The following GLMN variants were observed in gnomAD, a reference collection of about 807,000 sequenced individuals.
GLMN encodes glomulin, FKBP associated protein.
GLMN carries 75 observed loss-of-function variants against 87.8 expected under a neutral mutation model. That is an observed-to-expected ratio of 0.85 (90% CI 0.71 to 1.04). The LOEUF is 1.04. GLMN is among the 50% of genes least tolerant of loss of function. The pLI is 0.00. For synonymous variants in GLMN, 206 were observed against 221.6 expected (o/e 0.93, Z 0.63); for missense variants, 588 against 658.8 (o/e 0.89, Z 1.18).
At chr1:92,282,846 C>T (rs1245030542) in intron 7 of GLMN, among the ~76,000 whole-genome samples, 1 of 152,190 alleles carries the variant, frequency 6.6e-6, no homozygotes. Flanking sequence ...ATAGTATAAA[C>T]ACCTCTATGC....
At chr1:92,297,338 G>T in intron 3 of GLMN, 66 bp downstream of exon 3, 1 of 1,584,278 alleles carries the variant, frequency 6.3e-7, no homozygotes, top group Non-Finnish European at 8.6e-7. Context: ...TAAATGACTG[G>T]ATGAATAGCA....
At chr1:92,264,308 T>A (rs1049194431) in intron 14 of GLMN, among the ~76,000 whole-genome samples, 6 of 152,100 alleles carry the variant, frequency 3.9e-5, no homozygotes, top group Admixed American at 6.6e-5. Flanking sequence ...CGTGAAACCC[T>A]GTCTCAAAAA....
At chr1:92,320,736 C>A in the GLMN span, 1 of 839,056 alleles carries the variant, frequency 1.2e-6, no homozygotes, top group Non-Finnish European at 1.9e-6. Flanking sequence ...TGTGCTGATG[C>A]ATTATGTAAG....
chr1:92,271,767 G>C, intron 7 of GLMN, 115 bp from the exon 8 acceptor site: 1 of 741,560 alleles, frequency 1.3e-6, no homozygotes, highest in Non-Finnish European at 2.4e-6. Context: ...CCCTTTGAGC[G>C]TGAGTGGGAC....
At chr1:92,281,091 AC>A (rs1315103146) in intron 7 of GLMN, among the ~76,000 whole-genome samples, 1 of 152,208 alleles carries the variant, frequency 6.6e-6, no homozygotes, top group African/African-American at 2.4e-5. Context: ...AGGCAGGCCA[AC>A]ATTCAAATTC....
the GLMN span, among the ~76,000 whole-genome samples, chr1:92,349,660 G>A: frequency 6.6e-6 from 1 of 152,182 alleles, no homozygotes; most frequent in Admixed American, 6.5e-5. Flanking sequence ...AGGTGCAGTG[G>A]CTCATGCCTA....
chr1:92,304,076 G>T, the GLMN span: 7 of 1,584,778 alleles, frequency 4.4e-6, no homozygotes, highest in East Asian at 2.2e-5. Context: ...GCTGGGAATT[G>T]TAAGTAACTC....
At chr1:92,345,915 G>GT in the GLMN span, 1 of 1,590,092 alleles carries the variant, frequency 6.3e-7, no homozygotes. Flanking sequence ...TGCTGTCATT[G>GT]TAAGTACTCT....
chr1:92,302,589 A>ATTTTTTT (rs1557586485), upstream of GLMN, among the ~76,000 whole-genome samples: 7 of 92,268 alleles, frequency 7.6e-5, no homozygotes, highest in Admixed American at 1.4e-4. Flanking sequence ...TTCCGCATTA[A>ATTTTTTT]ATTTTTTTTT....
At chr1:92,299,012 G>A (rs573901666), upstream of GLMN, 6 of 865,418 alleles carry the variant, frequency 6.9e-6, no homozygotes, top group South Asian at 7.5e-5. Context: ...CTACGCGTAG[G>A]GAGGCGGGGC....
At chr1:92,266,127 C>T (rs1234717851) in intron 13 of GLMN, among the ~76,000 whole-genome samples, 1 of 152,150 alleles carries the variant, frequency 6.6e-6, no homozygotes, top group Non-Finnish European at 1.5e-5. Flanking sequence ...GCAGGAGCAT[C>T]ATCAATCTCA....
At chr1:92,337,095 C>A in the GLMN span, among the ~76,000 whole-genome samples, 2 of 152,032 alleles carry the variant, frequency 1.3e-5, no homozygotes. Flanking sequence ...CAGCCAAATG[C>A]CAGTGACCAA....
intron 16 of GLMN, among the ~76,000 whole-genome samples, chr1:92,261,918 A>G (rs981104154): frequency 6.6e-6 from 1 of 152,110 alleles, no homozygotes; most frequent in Non-Finnish European, 1.5e-5. Context: ...TGATCACTAT[A>G]AAATTCTTTC....
At chr1:92,325,492 AT>A in the GLMN span, among the ~76,000 whole-genome samples, 1 of 152,160 alleles carries the variant, frequency 6.6e-6, no homozygotes, top group Non-Finnish European at 1.5e-5. Context: ...CACTTATTTT[AT>A]CATTTTGTCC....
intron 5 of GLMN, among the ~76,000 whole-genome samples, chr1:92,289,865 A>C (rs1649199477): frequency 6.6e-6 from 1 of 152,232 alleles, no homozygotes; most frequent in African/African-American, 2.4e-5. Flanking sequence ...TACTGCAGAC[A>C]CCACAGAGGT....
chr1:92,305,192 G>C, the GLMN span, among the ~76,000 whole-genome samples: 1 of 151,898 alleles, frequency 6.6e-6, no homozygotes, highest in Non-Finnish European at 1.5e-5. Context: ...CAGCACTTTG[G>C]GAGGCCGAGG....
rs185016773 is a variant in GLMN at position 92,253,061 on chromosome 1, C to A, written c.1474-5072G>T. Reference sequence around the variant, plus strand: ...TGAACAAGACCCAGGTTTCCCCTTTCTTCTAATTCATATAGAAGTCATCCG... The same window carrying A: ...TGAACAAGACCCAGGTTTCCCCTTTATTCTAATTCATATAGAAGTCATCCG... On this transcript the variant is annotated intron_variant, in intron 16 of 18. Transcript: ENST00000370360. Among the ~76,000 whole-genome samples, 4 of 152,306 alleles carry A rather than the reference C, an allele frequency of 2.6e-5. No individual in the cohort carries two copies. The East Asian group carries it at 7.7e-4, about 29-fold the overall frequency.
At chr1:92,297,608 A>G in intron 2 of GLMN, 79 bp from the exon 3 acceptor site, 1 of 1,209,776 alleles carries the variant, frequency 8.3e-7, no homozygotes, top group Admixed American at 2.1e-5. Flanking sequence ...TAACTTCTTG[A>G]TTTATCTATG....
intron 7 of GLMN, among the ~76,000 whole-genome samples, chr1:92,285,908 A>C (rs1648695055): frequency 6.6e-6 from 1 of 152,254 alleles, no homozygotes; most frequent in African/African-American, 2.4e-5. Context: ...AATTGCTTTT[A>C]AAATAAAATT....
Sources: allele counts gnomAD v4.1 joint callset (sites outside exome capture counted in the v4.1 genomes callset), GRCh38; gene constraint gnomAD v4.1.1; transcripts MANE v1.5; gene names NCBI Gene and HGNC (gene_info 2026-07-23, HGNC 2026-07-21).